EMSY: variants seen among roughly 807,000 people sequenced by gnomAD.
EMSY encodes BRCA2-interacting transcriptional repressor EMSY.
Under a neutral mutation model 134.6 loss-of-function variants are expected in EMSY, and 26 were observed. The observed-to-expected ratio is 0.19, with a 90% CI of 0.14 to 0.27. EMSY has a LOEUF of 0.27. Among genes scored for constraint, EMSY ranks in the 10% least tolerant of loss-of-function variants. The pLI is 1.00. For synonymous variants in EMSY, 579 were observed against 577.8 expected (o/e 1.00, Z -0.03); for missense variants, 1,305 against 1,611.4 (o/e 0.81, Z 3.26).
chr11:76,482,158 C>G (rs34029822), intron 8 of EMSY, among the ~76,000 whole-genome samples: 1 of 152,112 alleles, frequency 6.6e-6, no homozygotes, highest in African/African-American at 2.4e-5. Context: ...GCAGAAGGGC[C>G]TGAGTGTTAG....
intron 5 of EMSY, chr11:76,458,666 T>C: frequency 5.1e-6 from 1 of 195,694 alleles, no homozygotes; most frequent in Admixed American, 5.8e-5. Flanking sequence ...CATTAGAAAA[T>C]AAATAAGGTA....
At chr11:76,463,751 T>A in intron 6 of EMSY, 70 bp from the exon 8 acceptor site, 3 of 1,517,990 alleles carry the variant, frequency 2.0e-6, no homozygotes, top group Non-Finnish European at 2.7e-6. Flanking sequence ...GATATAAAGA[T>A]TTTAAAAATA....
intron 14 of EMSY, among the ~76,000 whole-genome samples, chr11:76,534,964 G>T (rs1219463896): frequency 6.6e-6 from 1 of 152,082 alleles, no homozygotes; most frequent in East Asian, 1.9e-4. Context: ...ATAACTTGTT[G>T]CTTGATTTGA....
chr11:76,469,675 T>C (rs1948497083), intron 7 of EMSY, among the ~76,000 whole-genome samples: 1 of 152,176 alleles, frequency 6.6e-6, no homozygotes, highest in Non-Finnish European at 1.5e-5. Flanking sequence ...GTTTAATCCT[T>C]GTAATGACTT....
At chr11:76,473,099 C>T (rs574985578) in intron 8 of EMSY, among the ~76,000 whole-genome samples, 7 of 152,166 alleles carry the variant, frequency 4.6e-5, no homozygotes, top group South Asian at 4.1e-4. Context: ...GGTTAAATCT[C>T]GTCACTATAA....
chr11:76,544,561 C>G (rs138755340), exon 19 of EMSY: 367 of 1,614,012 alleles, frequency 2.3e-4, no homozygotes, highest in Non-Finnish European at 3.0e-4. Flanking sequence ...ATCAAAAACT[C>G]ACCCCTCTCC....
intron 8 of EMSY, among the ~76,000 whole-genome samples, chr11:76,489,471 A>AACC (rs1225875332): frequency 2.0e-5 from 3 of 152,028 alleles, no homozygotes; most frequent in Non-Finnish European, 4.4e-5. Context: ...TTGATGGATT[A>AACC]ACCCCCTTTT....
At chr11:76,468,448 A>G (rs1486465315) in intron 7 of EMSY, among the ~76,000 whole-genome samples, 2 of 152,176 alleles carry the variant, frequency 1.3e-5, no homozygotes, top group Non-Finnish European at 2.9e-5. Context: ...ACTCAATGCC[A>G]TTACTTTTAT....
At chr11:76,505,495 T>A (rs977060865) in intron 9 of EMSY, among the ~76,000 whole-genome samples, 5 of 150,498 alleles carry the variant, frequency 3.3e-5, no homozygotes, top group Admixed American at 2.7e-4. Context: ...ATAAATACCA[T>A]ATTCCAGATA....
chr11:76,538,322 C>T lies in EMSY; in HGVS notation c.2515+372C>T, dbSNP rs186346101. Among the ~76,000 whole-genome samples the T allele has an allele frequency of 4.1e-3, 628 of 152,264 alleles. 1 individual carries two copies. Among genetic ancestry groups the T allele is most frequent in the Non-Finnish European group, 5.5e-3 (377 of 68,018 alleles). On this transcript the variant is annotated intron_variant, in intron 16 of 20. Transcript: ENST00000334736. ...TCGCTCAGGCTGGAGTGCAGTGGCG[C>T]GATCATGATTCACTGCAGCCTCAAC... is the stretch of plus-strand genomic sequence containing the variant.
At chr11:76,545,888 G>A (rs778462408) in exon 20 of EMSY, 1 of 1,614,154 alleles carries the variant, frequency 6.2e-7, no homozygotes, top group South Asian at 1.1e-5. Context: ...ATAACTGGTG[G>A]CAGTTCTGTG....
chr11:76,521,709 G>C (rs1449133208), intron 11 of EMSY, among the ~76,000 whole-genome samples: 1 of 150,440 alleles, frequency 6.6e-6, no homozygotes, highest in East Asian at 2.0e-4. Flanking sequence ...GCCTGCAGTA[G>C]ATATGATCAT....
At chr11:76,513,118 C>T (rs1336049134) in intron 9 of EMSY, among the ~76,000 whole-genome samples, 2 of 152,078 alleles carry the variant, frequency 1.3e-5, no homozygotes, top group Non-Finnish European at 2.9e-5. Context: ...GGTTTGAAAG[C>T]TCTTGTATAA....
chr11:76,539,686 G>A, intron 17 of EMSY, 46 bp downstream of exon 18: 2 of 1,587,748 alleles, frequency 1.3e-6, no homozygotes, highest in South Asian at 2.2e-5. Flanking sequence ...GGTAAAAGAT[G>A]ATTGTTTTGG....
rs745953256 is a variant in EMSY, at chr11:76,516,362, GA to G, written c.1684+60del. ...AGGTATAGGTGGCCTTCATTGAGAG[GA>G]AAAAAAAAACTTACTTCATTGAAGG... On this transcript the variant is annotated intron_variant, in intron 11 of 20. Coordinates refer to ENST00000334736, the Ensembl canonical transcript of EMSY. 1.8e-3 allele frequency: 2,147 copies of G among 1,218,290 alleles called. 8 individuals are homozygous for G. The highest frequency in any genetic ancestry group is 0.016 in the African/African-American group (1,037 of 62,962). 75.5% of individuals were successfully genotyped at this position (1,218,290 alleles called of 1,614,324 possible). A position where few individuals can be genotyped will look rare whatever the true frequency, so the allele number is the denominator to read the frequency against.
At chr11:76,528,506 G>T in intron 14 of EMSY, 40 bp downstream of exon 15, 1 of 1,460,410 alleles carries the variant, frequency 6.8e-7, no homozygotes, top group South Asian at 1.3e-5. Context: ...AAGTACTACT[G>T]ACATAGTGCC....
rs535482010 is a variant in EMSY at position 76,539,676 on chromosome 11, G to C, written c.2557+36G>C. 7.5e-6 allele frequency: 12 copies of C among 1,599,816 alleles called. No individual in the cohort carries two copies. In the African/African-American group the frequency reaches 1.6e-4, roughly 21 times the overall value. ...TGCATCCATTTGTAGTATCACTGAA[G>C]GTAAAAGATGATTGTTTTGGGGGGA... On this transcript the variant is annotated intron_variant, in intron 17 of 20. Transcript: ENST00000334736.
chr11:76,527,084 A>G (rs1950870917), intron 13 of EMSY, among the ~76,000 whole-genome samples: 1 of 152,136 alleles, frequency 6.6e-6, no homozygotes, highest in Non-Finnish European at 1.5e-5. Flanking sequence ...TTTTTAACCA[A>G]TAGAAGATAA....
chr11:76,512,403 G>C (rs1388595302), intron 9 of EMSY, among the ~76,000 whole-genome samples: 1 of 152,084 alleles, frequency 6.6e-6, no homozygotes, highest in Non-Finnish European at 1.5e-5. Context: ...TCTATTTATA[G>C]CATTCTGTTT....
Sources: allele counts gnomAD v4.1 joint callset (sites outside exome capture counted in the v4.1 genomes callset), GRCh38; gene constraint gnomAD v4.1.1; transcripts MANE v1.5; gene names NCBI Gene and HGNC (gene_info 2026-07-23, HGNC 2026-07-21).